Variants in STXBP5L observed in about 807,000 individuals in gnomAD.
STXBP5L encodes syntaxin-binding protein 5-like.
In STXBP5L, 65 loss-of-function variants were observed where a neutral mutation model predicts 144.5. The observed-to-expected ratio is 0.45, with a 90% CI of 0.37 to 0.55. The LOEUF (loss-of-function observed/expected upper bound fraction) is 0.55, where lower values mean the gene tolerates loss of function less well. Ranked by LOEUF, STXBP5L falls within the 20% of genes least tolerant of loss-of-function variation. The pLI, the probability that STXBP5L is intolerant of heterozygous loss-of-function variation, is 0.00. For missense variants in STXBP5L, 1,298 were observed against 1,405.5 expected (o/e 0.92, Z 1.22); for synonymous variants, 505 against 469.6 (o/e 1.08, Z -0.97).
chr3:121,351,489 T>C (rs1245256572), intron 20 of STXBP5L, among the ~76,000 whole-genome samples: 2 of 152,182 alleles, frequency 1.3e-5, no homozygotes, highest in Non-Finnish European at 2.9e-5. Flanking sequence ...AGAAGTCTTC[T>C]TTTGAGAAGT....
rs953549160 is a variant in STXBP5L, at chr3:121,353,163, C to T, written c.2177-25553C>T. Among the ~76,000 whole-genome samples, 8 of 152,206 alleles carry T rather than the reference C, an allele frequency of 5.3e-5. No homozygotes were observed. The East Asian group carries it at 1.5e-3, about 29-fold the overall frequency. On this transcript the variant is annotated intron_variant, in intron 20 of 26. Transcript: ENST00000471454. ...ATTCTCTTTTTTTGTTGTGTCTCTG[C>T]CAGGCTTTGGTATCAGCATGATGTT...
chr3:121,312,662 C>G (rs2043582604), intron 19 of STXBP5L, among the ~76,000 whole-genome samples: 1 of 150,776 alleles, frequency 6.6e-6, no homozygotes, highest in Non-Finnish European at 1.5e-5. Flanking sequence ...GGTGATGACT[C>G]TTAACGAGCA....
chr3:121,317,130 A>T (rs1390070464), intron 19 of STXBP5L, among the ~76,000 whole-genome samples: 1 of 152,218 alleles, frequency 6.6e-6, no homozygotes, highest in Non-Finnish European at 1.5e-5. Context: ...TATTTATATC[A>T]GTAAATATTA....
At chr3:120,961,543 G>T (rs1431615813) in intron 3 of STXBP5L, among the ~76,000 whole-genome samples, 1 of 151,988 alleles carries the variant, frequency 6.6e-6, no homozygotes, top group Non-Finnish European at 1.5e-5. Flanking sequence ...CTGTCCTTGC[G>T]ATAGTTTGCT....
intron 2 of STXBP5L, among the ~76,000 whole-genome samples, chr3:120,951,337 A>G (rs1181374343): frequency 6.6e-6 from 1 of 152,260 alleles, no homozygotes; most frequent in Non-Finnish European, 1.5e-5. Flanking sequence ...ACTGCACAGC[A>G]AAAGAAACTA....
chr3:121,355,747 T>C (rs2045486143), intron 20 of STXBP5L, among the ~76,000 whole-genome samples: 1 of 152,216 alleles, frequency 6.6e-6, no homozygotes. Flanking sequence ...GGAGCTGCAA[T>C]CCTTGGGAGG....
At chr3:121,356,689 G>A (rs997993939) in intron 20 of STXBP5L, among the ~76,000 whole-genome samples, 3 of 152,076 alleles carry the variant, frequency 2.0e-5, no homozygotes, top group Non-Finnish European at 4.4e-5. Flanking sequence ...ACCCTCCATG[G>A]GCTGCACCCA....
intron 5 of STXBP5L, among the ~76,000 whole-genome samples, chr3:121,093,676 A>T (rs574195556): frequency 6.3e-4 from 95 of 151,744 alleles, no homozygotes; most frequent in African/African-American, 2.2e-3. Context: ...TTTCTTTATT[A>T]GTCTTGCTAG....
chr3:121,253,809 T>C (rs74434277), intron 15 of STXBP5L, among the ~76,000 whole-genome samples: 40,708 of 101,662 alleles, frequency 0.4, 7,677 homozygotes, highest in East Asian at 0.66. Context: ...TTTTTTTTTT[T>C]CTTTTTTTTT....
chr3:121,329,288 ATTC>A (rs1480519881), intron 20 of STXBP5L, among the ~76,000 whole-genome samples: 12 of 152,254 alleles, frequency 7.9e-5, no homozygotes, highest in Middle Eastern at 3.4e-3. Context: ...ATAACCTGCA[ATTC>A]TTCTTAAAAT....
At chr3:121,129,977 A>G (rs1420718648) in intron 7 of STXBP5L, among the ~76,000 whole-genome samples, 3 of 152,116 alleles carry the variant, frequency 2.0e-5, no homozygotes, top group Non-Finnish European at 2.9e-5. Flanking sequence ...AGAAAGTGTC[A>G]CATCACTTGA....
intron 14 of STXBP5L, among the ~76,000 whole-genome samples, chr3:121,246,758 A>G (rs1487912704): frequency 6.6e-6 from 1 of 152,206 alleles, no homozygotes; most frequent in Non-Finnish European, 1.5e-5. Flanking sequence ...AACAAAAAGG[A>G]ACAAATTATT....
chr3:121,029,390 A>C (rs946731221), intron 3 of STXBP5L, among the ~76,000 whole-genome samples: 2 of 152,100 alleles, frequency 1.3e-5, no homozygotes, highest in African/African-American at 4.8e-5. Context: ...ATCTACAACC[A>C]TCTGATCTTT....
chr3:120,987,010 G>A (rs1001912479), intron 3 of STXBP5L, among the ~76,000 whole-genome samples: 3 of 151,900 alleles, frequency 2.0e-5, no homozygotes, highest in African/African-American at 7.2e-5. Context: ...GAAAGTTATA[G>A]AGAGAATATT....
At chr3:120,912,709 G>C (rs1708909063) in intron 2 of STXBP5L, among the ~76,000 whole-genome samples, 2 of 151,376 alleles carry the variant, frequency 1.3e-5, no homozygotes, top group Admixed American at 1.3e-4. Context: ...CCAGGTATTT[G>C]TGAAATACAT....
At chr3:121,090,936 AC>A (rs2042754029) in intron 5 of STXBP5L, among the ~76,000 whole-genome samples, 1 of 52,622 alleles carries the variant, frequency 1.9e-5, no homozygotes, top group African/African-American at 8.1e-5. Context: ...CCCTCCCCCC[AC>A]CCCACAACAG....
chr3:121,095,033 G>A (rs1303858599), intron 5 of STXBP5L, among the ~76,000 whole-genome samples: 1 of 150,480 alleles, frequency 6.6e-6, no homozygotes, highest in Admixed American at 6.6e-5. Context: ...TGTCTGTAAA[G>A]CCTCACTTAT....
chr3:120,972,454 TCTAGGAG>T (rs1236908952), intron 3 of STXBP5L, among the ~76,000 whole-genome samples: 1 of 152,136 alleles, frequency 6.6e-6, no homozygotes, highest in African/African-American at 2.4e-5. Flanking sequence ...ATCTATCAAA[TCTAGGAG>T]TCTTTTGGAG....
At chr3:120,935,428 GT>G (rs76683163) in intron 2 of STXBP5L, among the ~76,000 whole-genome samples, 56,724 of 151,000 alleles carry the variant, frequency 0.38, 10,833 homozygotes, top group Non-Finnish European at 0.4. Context: ...AATTTAAAAA[GT>G]TTTTTTTACC....
Sources: gnomAD v4.1 joint callset for allele counts (sites outside exome capture counted in the v4.1 genomes callset) on GRCh38, gnomAD v4.1.1 for gene constraint, MANE v1.5 for transcripts, NCBI Gene and HGNC (gene_info 2026-07-23, HGNC 2026-07-21) for gene names.